The following LRRTM4 variants were observed in gnomAD, a reference collection of about 807,000 sequenced individuals.
The protein encoded by LRRTM4 is leucine-rich repeat transmembrane neuronal protein 4.
Under a neutral mutation model 47.6 loss-of-function variants are expected in LRRTM4, and 25 were observed. That is an observed-to-expected ratio of 0.53 (90% CI 0.38 to 0.73). The LOEUF is 0.73. LRRTM4 is among the 30% of genes least tolerant of loss of function. LRRTM4 has a pLI of 0.00. For synonymous variants in LRRTM4, 311 were observed against 269.5 expected (o/e 1.15, Z -1.51); for missense variants, 638 against 713.4 (o/e 0.89, Z 1.20).
At chr2:77,327,968 A>C (rs534303404) in intron 3 of LRRTM4, among the ~76,000 whole-genome samples, 1 of 152,266 alleles carries the variant, frequency 6.6e-6, no homozygotes, top group African/African-American at 2.4e-5. Flanking sequence ...ACGGACAAGA[A>C]ACTGAAAACA....
At chr2:76,852,045 T>C (rs1380024735) in intron 3 of LRRTM4, among the ~76,000 whole-genome samples, 1 of 152,156 alleles carries the variant, frequency 6.6e-6, no homozygotes, top group East Asian at 1.9e-4. Context: ...TTTCTAATCC[T>C]GTTCAGATAT....
chr2:76,970,031 A>T (rs1463988991), intron 3 of LRRTM4, among the ~76,000 whole-genome samples: 2 of 151,960 alleles, frequency 1.3e-5, no homozygotes, highest in Non-Finnish European at 2.9e-5. Flanking sequence ...CACTTATTTT[A>T]GGAAGATGAA....
At chr2:77,368,848 G>T (rs1024531856) in intron 3 of LRRTM4, among the ~76,000 whole-genome samples, 13 of 151,662 alleles carry the variant, frequency 8.6e-5, no homozygotes, top group African/African-American at 3.1e-4. Context: ...GTTTCCTTTG[G>T]CGATATATGC....
chr2:76,846,859 A>T (rs1464592747), intron 3 of LRRTM4, among the ~76,000 whole-genome samples: 1 of 152,108 alleles, frequency 6.6e-6, no homozygotes, highest in Non-Finnish European at 1.5e-5. Flanking sequence ...AGAAAGATCA[A>T]GTGTGCATAA....
intron 3 of LRRTM4, among the ~76,000 whole-genome samples, chr2:76,755,262 C>T (rs537010380): frequency 7.0e-4 from 106 of 152,194 alleles, no homozygotes; most frequent in African/African-American, 2.3e-3. Flanking sequence ...GGAAGTTTTG[C>T]AAAGATAAGA....
At chr2:76,998,345 T>A (rs1181100333) in intron 3 of LRRTM4, among the ~76,000 whole-genome samples, 1 of 152,086 alleles carries the variant, frequency 6.6e-6, no homozygotes, top group Non-Finnish European at 1.5e-5. Context: ...GCTGAGGGAT[T>A]TGGATCATAC....
chr2:77,049,131 T>TATATAC lies in LRRTM4; in HGVS notation c.1552-300216_1552-300215insGTATAT, dbSNP rs1553377430. On this transcript the variant is annotated intron_variant, in intron 3 of 3. Coordinates refer to ENST00000409884, the MANE Select transcript of LRRTM4 (RefSeq NM_001134745.3). ...AATAATATTTCATTTTTTATATATATATATATATATATATATATATATATA... is the reference window on the plus strand; with the variant it reads ...AATAATATTTCATTTTTTATATATATATATACATATATATATATATATATATATATA... Among the ~76,000 whole-genome samples, 590 of 118,320 alleles carry TATATAC rather than the reference T, an allele frequency of 5.0e-3. 22 individuals carry two copies. The highest frequency in any genetic ancestry group is 0.04 in the East Asian group (147 of 3,704). 77.6% of individuals were successfully genotyped at this position (118,320 alleles called of 152,430 possible).
intron 3 of LRRTM4, among the ~76,000 whole-genome samples, chr2:76,995,911 A>T (rs1462741401): frequency 2.0e-5 from 3 of 152,166 alleles, no homozygotes; most frequent in Non-Finnish European, 4.4e-5. Context: ...CAGAGAAAAA[A>T]ACTAGTAACT....
chr2:76,770,690 A>G (rs1309166780), intron 3 of LRRTM4, among the ~76,000 whole-genome samples: 1 of 152,178 alleles, frequency 6.6e-6, no homozygotes, highest in African/African-American at 2.4e-5. Flanking sequence ...AGCTATGTAA[A>G]ATACATCTCC....
chr2:76,748,762 T>C lies in LRRTM4; in HGVS notation c.1706A>G (p.His569Arg), dbSNP rs899477811. 2 of 1,613,844 alleles carry C rather than the reference T, an allele frequency of 1.2e-6. No homozygotes were observed. Among genetic ancestry groups the C allele is most frequent in the African/African-American group, 2.7e-5 (2 of 74,920 alleles). The change falls in exon 4 of 4, where the codon CAC (histidine) becomes CGC (arginine). Residue 569 changes from histidine (H) to arginine (R), a missense_variant. His to Arg is a conservative substitution (Grantham distance 29). Transcript: ENST00000409884. ...ESPGLELGRDHSFIATIARSA... is the reference protein window; with the variant it reads ...ESPGLELGRDRSFIATIARSA... ...CCTGGCGATGGTGGCGATGAAGCTG[T>C]GGTCTCGGCCCAGCTCCAGGCCGGG...
intron 3 of LRRTM4, among the ~76,000 whole-genome samples, chr2:77,306,895 A>ATTTTTTTTTTTTTTTTTTTTTTTT (rs1491512359): frequency 8.0e-6 from 1 of 125,586 alleles, no homozygotes; most frequent in African/African-American, 3.9e-5. Context: ...CTGCTTTTCC[A>ATTTTTTTTTTTTTTTTTTTTTTTT]TATTTTTTTT....
intron 3 of LRRTM4, among the ~76,000 whole-genome samples, chr2:77,133,861 G>A (rs567385659): frequency 1.6e-4 from 24 of 152,262 alleles, no homozygotes; most frequent in African/African-American, 5.8e-4. Context: ...ATTTGTGATT[G>A]AACAAAAGTT....
At chr2:76,959,496 A>AT (rs1675781529) in intron 3 of LRRTM4, among the ~76,000 whole-genome samples, 2 of 92,214 alleles carry the variant, frequency 2.2e-5, no homozygotes, top group South Asian at 5.9e-4. Flanking sequence ...TCCACCTTTA[A>AT]AAATGGGGTT....
At chr2:77,108,207 A>G (rs1671150509) in intron 3 of LRRTM4, among the ~76,000 whole-genome samples, 1 of 152,166 alleles carries the variant, frequency 6.6e-6, no homozygotes, top group African/African-American at 2.4e-5. Flanking sequence ...ATATACCATC[A>G]TTAGCATACT....
intron 3 of LRRTM4, among the ~76,000 whole-genome samples, chr2:77,064,107 CAT>C (rs1374779534): frequency 1.3e-5 from 2 of 151,982 alleles, no homozygotes; most frequent in Admixed American, 6.6e-5. Context: ...AACATGGAAA[CAT>C]AATTTAAAAG....
intron 3 of LRRTM4, among the ~76,000 whole-genome samples, chr2:77,145,390 C>G (rs1672230411): frequency 6.6e-6 from 1 of 151,764 alleles, no homozygotes; most frequent in East Asian, 1.9e-4. Context: ...TATATATGAT[C>G]ATTTTATAAC....
At chr2:77,217,600 A>T (rs1184456525) in intron 3 of LRRTM4, among the ~76,000 whole-genome samples, 1 of 151,548 alleles carries the variant, frequency 6.6e-6, no homozygotes, top group Non-Finnish European at 1.5e-5. Context: ...TTTGGGGGTC[A>T]TGTTGGTTCT....
At chr2:76,883,567 G>T (rs561370886) in intron 3 of LRRTM4, among the ~76,000 whole-genome samples, 17 of 152,110 alleles carry the variant, frequency 1.1e-4, no homozygotes, top group Non-Finnish European at 2.5e-4. Context: ...GCAAAGCTAG[G>T]ACAGAGGAAC....
At chr2:77,108,863 T>A (rs1166116267) in intron 3 of LRRTM4, among the ~76,000 whole-genome samples, 2 of 152,018 alleles carry the variant, frequency 1.3e-5, no homozygotes, top group African/African-American at 2.4e-5. Context: ...ACATTCTTTA[T>A]ACATAAACCA....
Sources: allele counts gnomAD v4.1 joint callset (sites outside exome capture counted in the v4.1 genomes callset), GRCh38; gene constraint gnomAD v4.1.1; transcripts MANE v1.5; gene names NCBI Gene and HGNC (gene_info 2026-07-23, HGNC 2026-07-21).